The following CNTN5 variants were observed in gnomAD, a reference collection of about 807,000 sequenced individuals.
CNTN5 encodes contactin 5, also known as contactin-5.
A neutral mutation model predicts 129.1 loss-of-function variants in CNTN5; 77 were observed. The ratio of observed to expected loss-of-function variants is 0.60; its 90% CI spans 0.50 to 0.72. The LOEUF (loss-of-function observed/expected upper bound fraction) is 0.72. CNTN5 is among the 30% of genes least tolerant of loss of function. The pLI is 0.00. For missense variants in CNTN5, 1,478 were observed against 1,328.8 expected (o/e 1.11, Z -1.75); for synonymous variants, 509 against 465.6 (o/e 1.09, Z -1.20).
intron 3 of CNTN5, among the ~76,000 whole-genome samples, chr11:99,729,711 A>G (rs1943465867): frequency 6.6e-6 from 1 of 152,162 alleles, no homozygotes; most frequent in African/African-American, 2.4e-5. Flanking sequence ...ATGGAATACT[A>G]TGCAGCCATA....
chr11:99,453,452 G>A (rs552661342), intron 2 of CNTN5, among the ~76,000 whole-genome samples: 1 of 152,158 alleles, frequency 6.6e-6, no homozygotes, highest in African/African-American at 2.4e-5. Context: ...ATTTGCTTTA[G>A]GGAATGGAAG....
At chr11:100,324,221 C>T (rs930395664) in intron 21 of CNTN5, among the ~76,000 whole-genome samples, 2 of 151,972 alleles carry the variant, frequency 1.3e-5, no homozygotes, top group African/African-American at 2.4e-5. Context: ...GAAAGGGCAG[C>T]GGTGGGAAGG....
chr11:100,117,125 T>A (rs975403936), intron 13 of CNTN5, among the ~76,000 whole-genome samples: 1 of 152,050 alleles, frequency 6.6e-6, no homozygotes, highest in African/African-American at 2.4e-5. Context: ...TCTTTTCTCC[T>A]GGCAAAAGGA....
intron 2 of CNTN5, among the ~76,000 whole-genome samples, chr11:99,426,794 A>G (rs1943140845): frequency 6.6e-6 from 1 of 152,162 alleles, no homozygotes; most frequent in Non-Finnish European, 1.5e-5. Flanking sequence ...TTTGATTGTC[A>G]TATTCTACCA....
At position 99,746,903 on chromosome 11, in the gene CNTN5, A is replaced by G. The variant is rs570491019; in HGVS notation, c.56-72641A>G. On this transcript the variant is annotated intron_variant, in intron 3 of 24. Coordinates refer to ENST00000524871, the MANE Select transcript of CNTN5 (RefSeq NM_014361.4). ...TTACTTAAGATTACTTTGGCTATTC[A>G]GGTTCTTTTGTGGTTCTATATAAAT... Among the ~76,000 whole-genome samples the G allele has an allele frequency of 1.7e-4, 26 of 152,230 alleles. No homozygotes were observed. The South Asian group carries it at 4.8e-3, about 28-fold the overall frequency.
chr11:99,064,791 A>G (rs1212530742), intron 1 of CNTN5, among the ~76,000 whole-genome samples: 2 of 152,198 alleles, frequency 1.3e-5, no homozygotes, highest in East Asian at 3.9e-4. Context: ...GCAAATTTGC[A>G]CTTACTTAAA....
chr11:99,482,126 A>G (rs1479784605), intron 2 of CNTN5, among the ~76,000 whole-genome samples: 1 of 152,172 alleles, frequency 6.6e-6, no homozygotes, highest in African/African-American at 2.4e-5. Flanking sequence ...AAAATGCATT[A>G]TTAATCTCCC....
At chr11:100,170,070 T>C (rs904055996) in intron 13 of CNTN5, among the ~76,000 whole-genome samples, 4 of 152,006 alleles carry the variant, frequency 2.6e-5, no homozygotes, top group Non-Finnish European at 5.9e-5. Flanking sequence ...TCCTGACCCA[T>C]GGAAGGCACT....
At chr11:100,194,123 CT>C (rs1412797326) in intron 15 of CNTN5, among the ~76,000 whole-genome samples, 1 of 151,902 alleles carries the variant, frequency 6.6e-6, no homozygotes, top group African/African-American at 2.4e-5. Flanking sequence ...GCACATTAGC[CT>C]TAAGTCAGTA....
chr11:99,847,283 A>G (rs372901680), intron 6 of CNTN5, among the ~76,000 whole-genome samples: 2 of 152,224 alleles, frequency 1.3e-5, no homozygotes, highest in South Asian at 4.1e-4. Flanking sequence ...GGAAAGACCA[A>G]ACATAGTTGT....
At chr11:99,842,314 T>G (rs1947534444) in intron 4 of CNTN5, among the ~76,000 whole-genome samples, 1 of 152,242 alleles carries the variant, frequency 6.6e-6, no homozygotes, top group Non-Finnish European at 1.5e-5. Context: ...ATGAGAAGTA[T>G]TCAGCATAAT....
intron 3 of CNTN5, among the ~76,000 whole-genome samples, chr11:99,774,083 G>GT (rs1052282774): frequency 6.6e-6 from 1 of 151,876 alleles, no homozygotes; most frequent in Non-Finnish European, 1.5e-5. Context: ...TCCTTTTTAA[G>GT]TTTGTTGCTT....
intron 2 of CNTN5, among the ~76,000 whole-genome samples, chr11:99,431,997 A>G (rs1943389416): frequency 6.6e-6 from 1 of 152,032 alleles, no homozygotes; most frequent in South Asian, 2.1e-4. Context: ...AGGTGGGGGG[A>G]TAGTCAAATA....
At chr11:99,216,525 AATGCTGGATCATATGATCTATCAT>A (rs1860122539) in intron 1 of CNTN5, among the ~76,000 whole-genome samples, 1 of 152,000 alleles carries the variant, frequency 6.6e-6, no homozygotes, top group Non-Finnish European at 1.5e-5. Context: ...CAGCTGTGGA[AATGCTGGATCATATGATCTATCAT>A]ATGCTGGATA....
intron 2 of CNTN5, among the ~76,000 whole-genome samples, chr11:99,367,871 G>C (rs1041139966): frequency 1.3e-4 from 20 of 152,052 alleles, no homozygotes; most frequent in Admixed American, 2.0e-4. Context: ...AAATGTGAAG[G>C]TTTCAAAGAG....
intron 3 of CNTN5, among the ~76,000 whole-genome samples, chr11:99,755,129 G>A (rs148085739): frequency 1.4e-3 from 213 of 152,084 alleles, no homozygotes; most frequent in African/African-American, 4.8e-3. Flanking sequence ...CCTCACTTGC[G>A]GAATGACATC....
intron 1 of CNTN5, among the ~76,000 whole-genome samples, chr11:99,021,565 A>G (rs990870072): frequency 2.0e-5 from 3 of 152,208 alleles, no homozygotes; most frequent in African/African-American, 7.2e-5. Context: ...CAAATTGCAA[A>G]TTGTAAGGCA....
In CNTN5 at chr11:100,328,543, T is replaced by C. The variant is rs571740439; in HGVS notation, c.2731-11920T>C. ...AAGGCAAAGGAGAAGCAGGCACATC[T>C]TACATAGCCAGAGAAGAAGGAAGAG... On this transcript the variant is annotated intron_variant, in intron 21 of 24. Transcript: ENST00000524871. Among the ~76,000 whole-genome samples, 89 of 152,164 alleles carry C rather than the reference T, an allele frequency of 5.8e-4. 1 individual carries two copies. Among genetic ancestry groups the C allele is most frequent in the Middle Eastern group, 6.8e-3 (2 of 294 alleles).
At chr11:99,535,085 A>G (rs1354038410) in intron 2 of CNTN5, among the ~76,000 whole-genome samples, 1 of 152,228 alleles carries the variant, frequency 6.6e-6, no homozygotes, top group African/African-American at 2.4e-5. Flanking sequence ...AGTCTGCACT[A>G]ATGCTGAAGC....
Sources: allele counts gnomAD v4.1 joint callset (sites outside exome capture counted in the v4.1 genomes callset), GRCh38; gene constraint gnomAD v4.1.1; transcripts MANE v1.5; gene names NCBI Gene and HGNC (gene_info 2026-07-23, HGNC 2026-07-21).